Variants in TRNAU1AP observed in about 807,000 individuals in gnomAD.
TRNAU1AP encodes tRNA selenocysteine 1 associated protein 1.
Under a neutral mutation model 43.3 loss-of-function variants are expected in TRNAU1AP, and 33 were observed. That is an observed-to-expected ratio of 0.76 (90% CI 0.58 to 1.02). The LOEUF (loss-of-function observed/expected upper bound fraction) is 1.02. Among genes scored for constraint, TRNAU1AP ranks in the 50% least tolerant of loss-of-function variants. The pLI is 0.00. For synonymous variants in TRNAU1AP, 143 were observed against 129.1 expected (o/e 1.11, Z -0.73); for missense variants, 290 against 362.7 (o/e 0.80, Z 1.63).
At chr1:28,560,877 A>G in intron 3 of TRNAU1AP, 145 bp downstream of exon 3, 1 of 871,038 alleles carries the variant, frequency 1.1e-6, no homozygotes, top group African/African-American at 1.7e-5. Context: ...GGCCCAGGAA[A>G]CTGAAGCTCA....
rs767296245 is a variant in TRNAU1AP, at chr1:28,567,379, A to T, written c.496A>T (p.Lys166Ter). The T allele has an allele frequency of 6.2e-7, 1 of 1,612,860 alleles. No individual in the cohort carries two copies. The highest frequency in any genetic ancestry group is 8.5e-7 in the Non-Finnish European group (1 of 1,179,722). The change falls in exon 6 of 9, where the codon AAG becomes TAG. Residue 166 changes from lysine (K) to a stop codon, truncating the protein, a stop_gained. Coordinates refer to ENST00000373830, the MANE Select transcript of TRNAU1AP (RefSeq NM_017846.5). LOFTEE classifies it high-confidence loss of function. ...CCAGGGAGCAGTGGGACTGGGGTCT[A>T]AGCCTGTGCGGCTGAGCGTGGCAAT... ...ECQGAVGLGSKPVRLSVAIPK... is the reference protein window; with the variant it reads ...ECQGAVGLGS
At chr1:28,569,872 G>A (rs1225151398) in intron 6 of TRNAU1AP, among the ~76,000 whole-genome samples, 7 of 148,864 alleles carry the variant, frequency 4.7e-5, no homozygotes, top group Admixed American at 1.3e-4. Flanking sequence ...GTGCTGGTGG[G>A]CGCCTATAGT....
intron 8 of TRNAU1AP, chr1:28,574,825 T>A (rs1289973359): frequency 6.6e-6 from 1 of 152,250 alleles, no homozygotes; most frequent in Non-Finnish European, 1.5e-5. Context: ...AGGAAACAGA[T>A]CCCTTTTAGG....
rs1665497610 is a variant in TRNAU1AP, at chr1:28,564,707, G to C, written c.283G>C (p.Glu95Gln). The C allele has an allele frequency of 6.2e-7, 1 of 1,613,636 alleles. No individual in the cohort carries two copies. The highest frequency in any genetic ancestry group is 8.5e-7 in the Non-Finnish European group (1 of 1,179,876). ...CTTCTTGTTCTCTCTCCTCAGCCCT[G>C]AGTATTCCCTCTTTGTGGGGGACCT... ...TYGKQPDNSPEYSLFVGDLTP... is the reference protein window; with the variant it reads ...TYGKQPDNSPQYSLFVGDLTP... Residue 95 changes from glutamate (E) to glutamine (Q), a missense_variant, in exon 5 of 9, where the codon GAG becomes CAG. Transcript: ENST00000373830.
intron 2 of TRNAU1AP, among the ~76,000 whole-genome samples, chr1:28,558,176 C>T (rs537787074): frequency 3.4e-5 from 5 of 147,468 alleles, no homozygotes; most frequent in Admixed American, 6.9e-5. Flanking sequence ...GAATTACAGG[C>T]GTGAGCCACT....
intron 8 of TRNAU1AP, among the ~76,000 whole-genome samples, chr1:28,572,791 C>T (rs1665689239): frequency 2.0e-5 from 3 of 150,922 alleles, no homozygotes; most frequent in South Asian, 2.1e-4. Context: ...AAAAATTAGC[C>T]GGGTGTGGTG....
intron 2 of TRNAU1AP, among the ~76,000 whole-genome samples, chr1:28,556,275 A>G (rs1397080306): frequency 3.9e-5 from 6 of 151,908 alleles, no homozygotes; most frequent in Non-Finnish European, 7.4e-5. Context: ...CAGCCTGGAC[A>G]ACATGGTGAA....
intron 2 of TRNAU1AP, among the ~76,000 whole-genome samples, chr1:28,558,371 C>A (rs1297208191): frequency 6.6e-6 from 1 of 151,052 alleles, no homozygotes; most frequent in African/African-American, 2.4e-5. Flanking sequence ...CACACCACCC[C>A]ACCCAGCTAA....
At chr1:28,564,651 A>G in intron 4 of TRNAU1AP, 52 bp from the exon 5 acceptor site, 1 of 1,578,316 alleles carries the variant, frequency 6.3e-7, no homozygotes, top group Non-Finnish European at 8.6e-7. Flanking sequence ...AGAGCTTTTC[A>G]GAGCAGAGGT....
chr1:28,561,205 C>T, intron 3 of TRNAU1AP, 141 bp from the exon 4 acceptor site: 1 of 1,478,064 alleles, frequency 6.8e-7, no homozygotes, highest in East Asian at 2.5e-5. Context: ...GCAACCCCCT[C>T]ATTTTATACA....
chr1:28,561,286 T>C (rs1457793773), intron 3 of TRNAU1AP, 60 bp from the exon 4 acceptor site: 2 of 1,607,258 alleles, frequency 1.2e-6, no homozygotes, highest in East Asian at 2.2e-5. Flanking sequence ...TTTCTTCAAA[T>C]ATTGTTCAAC....
At position 28,558,750 on chromosome 1, in the gene TRNAU1AP, A is replaced by G. The variant is rs1280703076; in HGVS notation, c.126-1883A>G. On this transcript the variant is annotated intron_variant, in intron 2 of 8. Transcript: ENST00000373830. ...TGGCTAATTTTTTTGCATTTTTAGTAGAGATGGGGTTTCACTGTGTTAGCC... is the reference window on the plus strand; with the variant it reads ...TGGCTAATTTTTTTGCATTTTTAGTGGAGATGGGGTTTCACTGTGTTAGCC... Among the ~76,000 whole-genome samples the G allele has an allele frequency of 3.3e-5, 5 of 151,918 alleles. No homozygotes were observed. In the East Asian group the frequency reaches 7.8e-4, roughly 24 times the overall value.
intron 2 of TRNAU1AP, among the ~76,000 whole-genome samples, chr1:28,555,153 T>C (rs903272631): frequency 6.6e-6 from 1 of 150,632 alleles, no homozygotes; most frequent in Admixed American, 6.6e-5. Flanking sequence ...TCGCTTGAAC[T>C]TGGGAGGCAG....
chr1:28,570,473 C>T (rs1282492337), intron 6 of TRNAU1AP, among the ~76,000 whole-genome samples: 2 of 151,934 alleles, frequency 1.3e-5, no homozygotes, highest in African/African-American at 2.4e-5. Flanking sequence ...TCTTGGAACT[C>T]CTGACCTCAG....
rs1665656637 is a variant in TRNAU1AP at position 28,571,306 on chromosome 1, C to G, written c.661C>G (p.Pro221Ala). The change falls in exon 7 of 9, where the codon CCC becomes GCC. Residue 221 changes from proline to alanine, a missense_variant. Pro to Ala is a conservative substitution (Grantham distance 27). Coordinates refer to ENST00000373830, the MANE Select transcript of TRNAU1AP (RefSeq NM_017846.5). Reference sequence around the variant, plus strand: ...CACAGGCAGCTACAGCTACAGTTACCCCCAGTATGGCTATACCCAGAGCAC... The same window carrying G: ...CACAGGCAGCTACAGCTACAGTTACGCCCAGTATGGCTATACCCAGAGCAC... Reference protein sequence around the residue: ...QNTGSYSYSYPQYGYTQSTMQ... With the variant: ...QNTGSYSYSYAQYGYTQSTMQ... 1 of 1,613,792 alleles carries G rather than the reference C, an allele frequency of 6.2e-7. No homozygotes were observed. Among genetic ancestry groups the G allele is most frequent in the African/African-American group, 1.3e-5 (1 of 74,892 alleles).
At chr1:28,564,668 C>T in intron 4 of TRNAU1AP, 35 bp from the exon 5 acceptor site, 2 of 1,597,480 alleles carry the variant, frequency 1.3e-6, no homozygotes, top group Non-Finnish European at 1.7e-6. Context: ...AGGTTTTGGT[C>T]TTTGCCTCTG....
chr1:28,577,787 TCATTTGAC>T lies in TRNAU1AP; in HGVS notation c.*159_*166del. The T allele has an allele frequency of 1.2e-6, 1 of 842,688 alleles. No individual in the cohort carries two copies. Among genetic ancestry groups the T allele is most frequent in the South Asian group, 1.8e-5 (1 of 54,092 alleles). 52.2% of individuals were successfully genotyped at this position (842,688 alleles called of 1,614,324 possible). On this transcript the variant is annotated 3_prime_UTR_variant, in exon 9 of 9. Coordinates refer to ENST00000373830, the MANE Select transcript of TRNAU1AP (RefSeq NM_017846.5). ...GAATGTTTCTACAACACTGCTGCATTCATTTGACCATTTGAGTTTGAAGACCAAGGGAA... is the reference window on the plus strand; with the variant it reads ...GAATGTTTCTACAACACTGCTGCATTCATTTGAGTTTGAAGACCAAGGGAA...
At chr1:28,566,185 C>T (rs1374826996) in intron 5 of TRNAU1AP, among the ~76,000 whole-genome samples, 1 of 150,942 alleles carries the variant, frequency 6.6e-6, no homozygotes, top group Non-Finnish European at 1.5e-5. Flanking sequence ...CATGGTGGTG[C>T]GTGCCTGTAG....
At chr1:28,565,903 A>T (rs1271116384) in intron 5 of TRNAU1AP, 1 of 152,242 alleles carries the variant, frequency 6.6e-6, no homozygotes, top group Non-Finnish European at 1.5e-5. Flanking sequence ...GCTTTGAATC[A>T]TGCTTCTGCC....
Sources: gnomAD v4.1 joint callset for allele counts (sites outside exome capture counted in the v4.1 genomes callset) on GRCh38, gnomAD v4.1.1 for gene constraint, MANE v1.5 for transcripts, NCBI Gene and HGNC (gene_info 2026-07-23, HGNC 2026-07-21) for gene names.